The following PHF21A variants were observed in gnomAD, a reference collection of about 807,000 sequenced individuals.
The protein encoded by PHF21A is PHD finger protein 21A.
A neutral mutation model predicts 82.5 loss-of-function variants in PHF21A; 11 were observed. That is an observed-to-expected ratio of 0.13 (90% CI 0.08 to 0.22). The LOEUF (loss-of-function observed/expected upper bound fraction) is 0.22. PHF21A is among the 10% of genes least tolerant of loss of function. PHF21A has a pLI of 1.00. For missense variants in PHF21A, 579 were observed against 837.8 expected, an observed-to-expected ratio of 0.69 and a Z score of 3.81; for synonymous variants, 297 against 302.8, an observed-to-expected ratio of 0.98 and a Z score of 0.20.
chr11:46,101,130 A>G (rs1593237423), intron 1 of PHF21A, among the ~76,000 whole-genome samples: 1 of 152,314 alleles, frequency 6.6e-6, no homozygotes. Flanking sequence ...ATAAAATGCA[A>G]CTCCTAAGAA....
chr11:46,042,137 G>T (rs1325024612), intron 6 of PHF21A, among the ~76,000 whole-genome samples: 1 of 152,056 alleles, frequency 6.6e-6, no homozygotes, highest in Non-Finnish European at 1.5e-5. Flanking sequence ...TATTATCCTG[G>T]TTATTTTTTA....
chr11:45,981,482 A>G (rs2094285819), intron 6 of PHF21A, among the ~76,000 whole-genome samples: 1 of 151,674 alleles, frequency 6.6e-6, no homozygotes, highest in Non-Finnish European at 1.5e-5. Flanking sequence ...GGGACCAAAG[A>G]CCAACAAATG....
intron 6 of PHF21A, among the ~76,000 whole-genome samples, chr11:46,039,747 G>C (rs538928138): frequency 1.3e-5 from 2 of 152,278 alleles, no homozygotes; most frequent in South Asian, 2.1e-4. Flanking sequence ...TAAAATTACA[G>C]ATCACTATCA....
intron 10 of PHF21A, among the ~76,000 whole-genome samples, chr11:45,958,427 T>TAA (rs2092839791): frequency 7.1e-5 from 1 of 14,048 alleles, no homozygotes; most frequent in Non-Finnish European, 1.4e-4. Context: ...AAAATATATA[T>TAA]ATATATATAT....
At chr11:45,976,719 G>C (rs1309700181) in intron 7 of PHF21A, among the ~76,000 whole-genome samples, 1 of 152,178 alleles carries the variant, frequency 6.6e-6, no homozygotes, top group Non-Finnish European at 1.5e-5. Context: ...GCCTGTGCCT[G>C]TAGTCCCAGC....
At chr11:46,114,096 C>CAG (rs951859229) in intron 1 of PHF21A, among the ~76,000 whole-genome samples, 94 of 151,508 alleles carry the variant, frequency 6.2e-4, no homozygotes, top group African/African-American at 2.3e-3. Context: ...TACACACACA[C>CAG]ACACACACGC....
chr11:46,095,197 A>C (rs2096979110), intron 1 of PHF21A, among the ~76,000 whole-genome samples: 1 of 151,820 alleles, frequency 6.6e-6, no homozygotes, highest in African/African-American at 2.4e-5. Context: ...TCAAAAAAAA[A>C]GCAAATATTC....
intron 1 of PHF21A, among the ~76,000 whole-genome samples, chr11:46,114,675 T>A (rs758173258): frequency 6.6e-5 from 10 of 151,862 alleles, no homozygotes; most frequent in Non-Finnish European, 1.2e-4. Context: ...ATTTAAAATT[T>A]AAAAAAAACA....
intron 7 of PHF21A, among the ~76,000 whole-genome samples, chr11:45,974,241 G>C (rs559307316): frequency 2.0e-5 from 3 of 152,140 alleles, no homozygotes; most frequent in Admixed American, 2.0e-4. Flanking sequence ...GTAGTGCTTA[G>C]ATCTTTACCC....
chr11:46,106,492 G>A (rs2097153713), intron 1 of PHF21A, among the ~76,000 whole-genome samples: 1 of 152,272 alleles, frequency 6.6e-6, no homozygotes, highest in Non-Finnish European at 1.5e-5. Context: ...CTGAGGTGTT[G>A]GGGGTTGGGG....
chr11:46,090,844 ATT>A (rs2096916020), intron 2 of PHF21A, among the ~76,000 whole-genome samples: 1 of 152,070 alleles, frequency 6.6e-6, no homozygotes, highest in African/African-American at 2.4e-5. Flanking sequence ...CTAGTGTTCC[ATT>A]ATTGGAACAC....
At chr11:46,063,234 C>T (rs985434551) in intron 6 of PHF21A, among the ~76,000 whole-genome samples, 10 of 152,310 alleles carry the variant, frequency 6.6e-5, no homozygotes, top group African/African-American at 2.4e-4. Context: ...TCTGTATACA[C>T]CATATACCCT....
intron 10 of PHF21A, 134 bp from the exon 11 acceptor site, chr11:45,953,759 TTAG>T (rs1207155419): frequency 1.6e-6 from 1 of 634,246 alleles, no homozygotes; most frequent in African/African-American, 1.8e-5. Context: ...AATAAAAAGG[TTAG>T]TATTATAGAT....
intron 1 of PHF21A, among the ~76,000 whole-genome samples, chr11:46,114,610 C>G (rs2097265139): frequency 6.6e-6 from 1 of 152,164 alleles, no homozygotes; most frequent in African/African-American, 2.4e-5. Flanking sequence ...GCCATGGTTA[C>G]TATACCCACT....
chr11:46,037,222 T>A (rs1267089362), intron 6 of PHF21A, among the ~76,000 whole-genome samples: 1 of 152,260 alleles, frequency 6.6e-6, no homozygotes, highest in Non-Finnish European at 1.5e-5. Context: ...GTTTGTAGTA[T>A]ATTTTGTGAG....
At chr11:46,093,162 C>T (rs773196416) in intron 1 of PHF21A, among the ~76,000 whole-genome samples, 1 of 152,152 alleles carries the variant, frequency 6.6e-6, no homozygotes. Flanking sequence ...GTTTTGGGAT[C>T]CCAATCCAAT....
At chr11:45,978,552 CT>C (rs1565370504) in intron 7 of PHF21A, among the ~76,000 whole-genome samples, 2 of 152,162 alleles carry the variant, frequency 1.3e-5, no homozygotes, top group African/African-American at 2.4e-5. Flanking sequence ...GAACTATACT[CT>C]TTTTCTCTCT....
At chr11:45,944,119 G>A (rs1029815797) in intron 15 of PHF21A, among the ~76,000 whole-genome samples, 2 of 152,154 alleles carry the variant, frequency 1.3e-5, no homozygotes, top group African/African-American at 4.8e-5. Flanking sequence ...AAGTAAGTAA[G>A]GGACAAATGG....
intron 1 of PHF21A, among the ~76,000 whole-genome samples, chr11:46,108,584 TATAA>T (rs72047907): frequency 0.21 from 31,276 of 148,126 alleles, 3,699 homozygotes; most frequent in Non-Finnish European, 0.27. Flanking sequence ...TATATATATA[TATAA>T]AATACATATG....
Sources: allele counts gnomAD v4.1 joint callset (sites outside exome capture counted in the v4.1 genomes callset), GRCh38; gene constraint gnomAD v4.1.1; transcripts MANE v1.5; gene names NCBI Gene and HGNC (gene_info 2026-07-23, HGNC 2026-07-21).